The following MAP3K13 variants were observed in gnomAD, a reference collection of about 807,000 sequenced individuals.
MAP3K13 encodes mitogen-activated protein kinase kinase kinase 13, also known as leucine zipper-bearing kinase.
Under a neutral mutation model 104.0 loss-of-function variants are expected in MAP3K13, and 52 were observed. The ratio of observed to expected loss-of-function variants is 0.50; its 90% CI spans 0.40 to 0.63. The LOEUF (loss-of-function observed/expected upper bound fraction) is 0.63. Ranked by LOEUF, MAP3K13 falls within the 20% of genes least tolerant of loss-of-function variation. The probability of loss-of-function intolerance (pLI) is 0.00; values close to 1 mark genes in which losing one functional copy is unlikely to be tolerated. For missense variants in MAP3K13, 914 were observed against 1,218.5 expected, an observed-to-expected ratio of 0.75 and a Z score of 3.72; for synonymous variants, 394 against 442.2, an observed-to-expected ratio of 0.89 and a Z score of 1.37.
intron 2 of MAP3K13, among the ~76,000 whole-genome samples, chr3:185,296,745 G>A (rs1269888919): frequency 6.6e-6 from 1 of 152,224 alleles, no homozygotes; most frequent in Non-Finnish European, 1.5e-5. Flanking sequence ...TGTACTCACA[G>A]AGATGCATAT....
chr3:185,445,153 GTAAGGAAAAC>G (rs1715528298), intron 4 of MAP3K13, among the ~76,000 whole-genome samples: 1 of 152,112 alleles, frequency 6.6e-6, no homozygotes, highest in Admixed American at 6.6e-5. Context: ...GTTATTTTAT[GTAAGGAAAAC>G]TAGAGATTAG....
At chr3:185,297,429 T>C (rs888619543) in intron 2 of MAP3K13, among the ~76,000 whole-genome samples, 2 of 152,100 alleles carry the variant, frequency 1.3e-5, no homozygotes, top group African/African-American at 4.8e-5. Context: ...AGGTAGATAA[T>C]TGGCAACTTA....
At chr3:185,426,982 T>C (rs1714458006) in intron 1 of MAP3K13, among the ~76,000 whole-genome samples, 2 of 152,186 alleles carry the variant, frequency 1.3e-5, no homozygotes, top group South Asian at 4.1e-4. Context: ...CTCTAGCATA[T>C]TCTAGATGCT....
At chr3:185,409,489 C>T (rs1194820302) in intron 1 of MAP3K13, among the ~76,000 whole-genome samples, 1 of 152,048 alleles carries the variant, frequency 6.6e-6, no homozygotes, top group African/African-American at 2.4e-5. Context: ...AAAACATAAA[C>T]GCTGGCAAGG....
At chr3:185,441,180 A>G (rs1715298933) in intron 3 of MAP3K13, among the ~76,000 whole-genome samples, 1 of 152,254 alleles carries the variant, frequency 6.6e-6, no homozygotes, top group South Asian at 2.1e-4. Flanking sequence ...TTCCTTGTAA[A>G]AATGGAAAAG....
rs1227398391 is a variant in MAP3K13 at position 185,465,816 on chromosome 3, G to A, written c.1458G>A (p.Leu486=). The change falls in exon 9 of 14, where the codon TTG becomes TTA. Residue 486 remains leucine (L), a synonymous_variant. Transcript: ENST00000265026. ...GGGCGAATAATTTATACATGGAATT[G>A]AGTGCCATCATGCTGCAGCTAGAAA... The part of the protein sequence containing the change: ...LERANNLYME[L]SAIMLQLEMR... 6.2e-7 allele frequency: 1 copy of A among 1,614,080 alleles called. No individual in the cohort carries two copies. Among genetic ancestry groups the A allele is most frequent in the Non-Finnish European group, 8.5e-7 (1 of 1,179,966 alleles).
At chr3:185,400,690 A>C (rs922449680) in intron 1 of MAP3K13, among the ~76,000 whole-genome samples, 1 of 152,230 alleles carries the variant, frequency 6.6e-6, no homozygotes. Flanking sequence ...TTTCAAAGAC[A>C]CGAAAGATCT....
rs572552929 is a variant in MAP3K13, at chr3:185,293,884, G to A, written c.-86+8241G>A. On this transcript the variant is annotated intron_variant, in intron 2 of 14. Transcript: ENST00000424227. ...GTGTAATTGAAATATTTTTTATTTTGTAGCACAGAGAAAGCCTATATGCCT... is the reference window on the plus strand; with the variant it reads ...GTGTAATTGAAATATTTTTTATTTTATAGCACAGAGAAAGCCTATATGCCT... Among the ~76,000 whole-genome samples the A allele has an allele frequency of 6.8e-4, 103 of 151,988 alleles. No homozygotes were observed. In the Middle Eastern group the frequency reaches 0.01, roughly 15 times the overall value.
chr3:185,343,434 C>T (rs567555820), intron 2 of MAP3K13, among the ~76,000 whole-genome samples: 39 of 152,148 alleles, frequency 2.6e-4, no homozygotes, highest in South Asian at 6.2e-4. Context: ...TGCAAACGGA[C>T]GACTCTCAGC....
In MAP3K13 at chr3:185,437,838, G is replaced by A. The variant is rs529858018; in HGVS notation, c.659+208G>A. 3.3e-5 allele frequency among the ~76,000 whole-genome samples: 5 copies of A among 152,226 alleles called. No homozygotes were observed. The South Asian group carries it at 1.0e-3, about 32-fold the overall frequency. On this transcript the variant is annotated intron_variant, in intron 3 of 13. Transcript: ENST00000265026. ...CCAGTGGTTCATTTTGCCGAAGTAT[G>A]TGCAAAGTACATGGAAGTACATGGA...
chr3:185,350,448 A>G (rs1723098298), intron 2 of MAP3K13, among the ~76,000 whole-genome samples: 1 of 152,168 alleles, frequency 6.6e-6, no homozygotes, highest in African/African-American at 2.4e-5. Context: ...TGGCATCCCA[A>G]AGCGCTGGGA....
chr3:185,326,968 G>A (rs1274968708), intron 2 of MAP3K13, among the ~76,000 whole-genome samples: 2 of 152,130 alleles, frequency 1.3e-5, no homozygotes, highest in Non-Finnish European at 2.9e-5. Context: ...TAAAGTACCT[G>A]TATTATTTTT....
chr3:185,296,102 G>A (rs1720909897), intron 2 of MAP3K13, among the ~76,000 whole-genome samples: 1 of 152,132 alleles, frequency 6.6e-6, no homozygotes, highest in Non-Finnish European at 1.5e-5. Context: ...AAATGAGCCG[G>A]GCATTGTGGC....
chr3:185,470,669 C>G (rs1209725963), intron 10 of MAP3K13, among the ~76,000 whole-genome samples: 1 of 152,162 alleles, frequency 6.6e-6, no homozygotes, highest in African/African-American at 2.4e-5. Flanking sequence ...GAAGGAATAA[C>G]AGAAATCCTC....
Position 185,482,078 on chromosome 3 carries a change from C to T in MAP3K13, c.2800-277C>T, listed in dbSNP as rs1718493267. ...CAGCCTGGGCGACAGAGTGAGACTC[C>T]ATCTCTAAATAAATAAATAAGTAAA... On this transcript the variant is annotated intron_variant, in intron 13 of 13. Coordinates refer to ENST00000265026, the MANE Select transcript of MAP3K13 (RefSeq NM_004721.5). The surrounding 1 kb of genome is among the most constrained non-coding windows in gnomAD (Gnocchi z 4.5). Among the ~76,000 whole-genome samples, 1 of 152,204 alleles carries T rather than the reference C, an allele frequency of 6.6e-6. No individual in the cohort carries two copies. The highest frequency in any genetic ancestry group is 1.5e-5 in the Non-Finnish European group (1 of 68,036).
upstream of MAP3K13, among the ~76,000 whole-genome samples, chr3:185,359,404 A>C (rs1723511480): frequency 6.6e-6 from 1 of 152,168 alleles, no homozygotes; most frequent in Non-Finnish European, 1.5e-5. Flanking sequence ...GAGCCAAACC[A>C]TATCAGATCT....
At chr3:185,285,826 T>C (rs1720488270) in intron 2 of MAP3K13, among the ~76,000 whole-genome samples, 1 of 152,202 alleles carries the variant, frequency 6.6e-6, no homozygotes, top group Non-Finnish European at 1.5e-5. Flanking sequence ...CCTGTAAAGT[T>C]GATAAGAAAT....
chr3:185,453,098 G>T (rs114692431), intron 7 of MAP3K13, among the ~76,000 whole-genome samples: 190 of 152,246 alleles, frequency 1.2e-3, no homozygotes, highest in African/African-American at 4.4e-3. Flanking sequence ...TAAGGGGGTG[G>T]TGAGAGATGA....
At chr3:185,417,963 G>A in intron 1 of MAP3K13, 1 of 1,608,854 alleles carries the variant, frequency 6.2e-7, no homozygotes, top group East Asian at 2.2e-5. Context: ...TACTCTTGAG[G>A]GAAGCGGCTT....
Sources: allele counts gnomAD v4.1 joint callset (sites outside exome capture counted in the v4.1 genomes callset), GRCh38; gene constraint gnomAD v4.1.1; non-coding constraint Gnocchi (gnomAD v3.1); transcripts MANE v1.5; gene names NCBI Gene and HGNC (gene_info 2026-07-23, HGNC 2026-07-21).